The following CHFR variants were observed in gnomAD, a reference collection of about 807,000 sequenced individuals.
CHFR encodes the protein checkpoint with forkhead and ring finger domains.
A neutral mutation model predicts 87.6 loss-of-function variants in CHFR; 57 were observed. That is an observed-to-expected ratio of 0.65 (90% CI 0.53 to 0.81). The LOEUF (loss-of-function observed/expected upper bound fraction) is 0.81, where lower values mean the gene tolerates loss of function less well. Among genes scored for constraint, CHFR ranks in the 30% least tolerant of loss-of-function variants. The pLI, the probability that CHFR is intolerant of heterozygous loss-of-function variation, is 0.00. For missense variants in CHFR, 797 were observed against 865.8 expected, an observed-to-expected ratio of 0.92 and a Z score of 1.00; for synonymous variants, 381 against 359.2, an observed-to-expected ratio of 1.06 and a Z score of -0.69.
intron 3 of CHFR, among the ~76,000 whole-genome samples, chr12:132,874,531 CG>C (rs1951573534): frequency 6.8e-6 from 1 of 146,416 alleles, no homozygotes; most frequent in Non-Finnish European, 1.5e-5. Context: ...GCACCCAGCG[CG>C]GGGAAGCCAG....
intron 2 of CHFR, among the ~76,000 whole-genome samples, chr12:132,881,640 G>A (rs1593536440): frequency 6.6e-6 from 1 of 152,094 alleles, no homozygotes; most frequent in African/African-American, 2.4e-5. Context: ...GGCCGAGGCG[G>A]GCGGATCACA....
chr12:132,859,321 TCTAA>T (rs1951161077), intron 7 of CHFR, 94 bp from the exon 8 acceptor site: 11 of 1,224,910 alleles, frequency 9.0e-6, no homozygotes, highest in Non-Finnish European at 1.3e-5. Flanking sequence ...AGGGATGTGT[TCTAA>T]CTGTCGTAAC....
At chr12:132,841,698 G>A (rs886593658) in intron 17 of CHFR, 102 bp from the exon 18 acceptor site, 67 of 941,950 alleles carry the variant, frequency 7.1e-5, no homozygotes, top group Middle Eastern at 2.1e-4. Context: ...AAACGCATTC[G>A]GAAACCATAC....
At chr12:132,844,939 G>A (rs1186548524) in intron 15 of CHFR, among the ~76,000 whole-genome samples, 1 of 124,398 alleles carries the variant, frequency 8.0e-6, no homozygotes, top group Non-Finnish European at 2.0e-5. Flanking sequence ...GGCCCCACAT[G>A]GATATAAAAT....
intron 9 of CHFR, 101 bp from the exon 10 acceptor site, chr12:132,856,731 A>G (rs1951077979): frequency 1.5e-6 from 2 of 1,358,798 alleles, no homozygotes; most frequent in African/African-American, 2.8e-5. Flanking sequence ...CTGCGGAAGG[A>G]GGGGTCTGGG....
intron 2 of CHFR, among the ~76,000 whole-genome samples, chr12:132,880,979 A>G (rs558042110): frequency 1.3e-5 from 2 of 151,270 alleles, no homozygotes; most frequent in East Asian, 3.9e-4. Context: ...ACAACAAAAA[A>G]AGTAAGGCTG....
chr12:132,880,190 G>T (rs1951733968), intron 2 of CHFR, among the ~76,000 whole-genome samples: 2 of 152,158 alleles, frequency 1.3e-5, no homozygotes, highest in South Asian at 4.1e-4. Flanking sequence ...ACAGTATTGT[G>T]GCTGTGTAAG....
chr12:132,878,873 CTTAA>C (rs1951697280), intron 2 of CHFR, among the ~76,000 whole-genome samples: 1 of 150,292 alleles, frequency 6.7e-6, no homozygotes, highest in African/African-American at 2.4e-5. Flanking sequence ...TCTTCAGTAT[CTTAA>C]TTTAGTCCTT....
intron 8 of CHFR, among the ~76,000 whole-genome samples, chr12:132,858,208 A>G (rs1443933868): frequency 1.3e-5 from 2 of 152,078 alleles, no homozygotes; most frequent in Non-Finnish European, 2.9e-5. Flanking sequence ...AAATACAAAA[A>G]AATTAGCCAG....
At position 132,887,584 on chromosome 12, in the gene CHFR, C is replaced by T. The variant is rs1177915172; in HGVS notation, c.-50G>A. 1 of 153,974 alleles carries T rather than the reference C, an allele frequency of 6.5e-6. No individual in the cohort carries two copies. The highest frequency in any genetic ancestry group is 1.4e-5 in the Non-Finnish European group (1 of 69,412). The allele number at this position is 153,974 out of a possible 1,614,324, so 9.5% of individuals were successfully genotyped here. A position where few individuals can be genotyped will look rare whatever the true frequency, so the allele number is the denominator to read the frequency against. ...CCGAACCCGGAACCGGCTGCGCCGC[C>T]GCCGCTGTCAAGAGACATTGCGGCT... On this transcript the variant is annotated 5_prime_UTR_variant, in exon 1 of 18. Transcript: ENST00000450056.
rs775426850 is a variant in CHFR, at chr12:132,853,608, C to T, written c.1230-35G>A. ...AGCACAGGGCCGAGCTGTGTGCAGGCCCCAAGCCTCTCAGGTAGGGCCGGT... is the reference window on the plus strand; with the variant it reads ...AGCACAGGGCCGAGCTGTGTGCAGGTCCCAAGCCTCTCAGGTAGGGCCGGT... On this transcript the variant is annotated intron_variant, in intron 10 of 17. Transcript: ENST00000450056. 2.7e-6 allele frequency: 4 copies of T among 1,494,436 alleles called. No homozygotes were observed. In the South Asian group the frequency reaches 3.9e-5, roughly 15 times the overall value. The allele number at this position is 1,494,436 out of a possible 1,614,324, so 92.6% of individuals were successfully genotyped here. A position where few individuals can be genotyped will look rare whatever the true frequency, so the allele number is the denominator to read the frequency against.
At chr12:132,864,789 GA>G (rs1951296654) in intron 6 of CHFR, among the ~76,000 whole-genome samples, 1 of 152,152 alleles carries the variant, frequency 6.6e-6, no homozygotes, top group Non-Finnish European at 1.5e-5. Flanking sequence ...CACCCGGCCA[GA>G]AGAATTTTTT....
intron 6 of CHFR, chr12:132,866,607 CCAGAAAG>C (rs1434969201): frequency 6.6e-5 from 10 of 151,614 alleles, no homozygotes; most frequent in African/African-American, 1.7e-4. Context: ...TTACAACACA[CCAGAAAG>C]TTACAACACA....
At chr12:132,879,010 T>G (rs1474833470) in intron 2 of CHFR, among the ~76,000 whole-genome samples, 18 of 17,230 alleles carry the variant, frequency 1.0e-3, no homozygotes, top group Middle Eastern at 0.05. Context: ...TTTTTGTTTG[T>G]TTTTTTTTTT....
At chr12:132,883,660 G>T (rs1191177523) in intron 2 of CHFR, among the ~76,000 whole-genome samples, 1 of 152,222 alleles carries the variant, frequency 6.6e-6, no homozygotes, top group Non-Finnish European at 1.5e-5. Flanking sequence ...CCAAGAGGCA[G>T]AGCTTGCAGT....
At chr12:132,885,993 A>G (rs1031991116) in intron 2 of CHFR, among the ~76,000 whole-genome samples, 6 of 152,220 alleles carry the variant, frequency 3.9e-5, no homozygotes, top group African/African-American at 1.2e-4. Flanking sequence ...TGATACTGGA[A>G]TGTAAGACTA....
Position 132,838,850 on chromosome 12 carries a change from C to T in CHFR, c.*2704G>A, listed in dbSNP as rs980199228. The T allele has an allele frequency of 1.3e-5, 2 of 152,568 alleles. No homozygotes were observed. Among genetic ancestry groups the T allele is most frequent in the African/African-American group, 4.8e-5 (2 of 41,558 alleles). The allele number at this position is 152,568 out of a possible 1,614,324, so 9.5% of individuals were successfully genotyped here. On this transcript the variant is annotated 3_prime_UTR_variant, in exon 18 of 18. Coordinates refer to ENST00000450056, the MANE Select transcript of CHFR (RefSeq NM_001161346.2). ...CCATAAAACACAGCTCCTTACCACA[C>T]CCGAGGAGTAACTGCCCTGATCTCC...
At chr12:132,871,805 G>A (rs77936594) in intron 4 of CHFR, 31,492 of 153,012 alleles carry the variant, frequency 0.21, 4,155 homozygotes, top group Non-Finnish European at 0.3. Context: ...GGTGACCTTC[G>A]AAGGACTCCC....
Position 132,835,664 on chromosome 12 carries a change from T to A in CHFR, c.*5890A>T, listed in dbSNP as rs2136896434. 1 of 197,594 alleles carries A rather than the reference T, an allele frequency of 5.1e-6. No individual in the cohort carries two copies. Among genetic ancestry groups the A allele is most frequent in the African/African-American group, 2.4e-5 (1 of 41,718 alleles). The allele number at this position is 197,594 out of a possible 1,614,324, so 12.2% of individuals were successfully genotyped here. A position where few individuals can be genotyped will look rare whatever the true frequency, so the allele number is the denominator to read the frequency against. ...CCCCGCTGACACCCTGATCTCAGAGTTCCAGGCCCCAGAACTGTGAGAAAA... is the reference window on the plus strand; with the variant it reads ...CCCCGCTGACACCCTGATCTCAGAGATCCAGGCCCCAGAACTGTGAGAAAA... On this transcript the variant is annotated 3_prime_UTR_variant, in exon 18 of 18. Coordinates refer to ENST00000450056, the MANE Select transcript of CHFR (RefSeq NM_001161346.2).
Sources: allele counts gnomAD v4.1 joint callset (sites outside exome capture counted in the v4.1 genomes callset), GRCh38; gene constraint gnomAD v4.1.1; transcripts MANE v1.5; gene names NCBI Gene and HGNC (gene_info 2026-07-23, HGNC 2026-07-21).